Variants in HOOK3 observed in about 807,000 individuals in gnomAD.
HOOK3 encodes the protein protein Hook homolog 3.
HOOK3 carries 24 observed loss-of-function variants against 116.3 expected under a neutral mutation model. That is an observed-to-expected ratio of 0.21 (90% CI 0.15 to 0.29). The LOEUF is 0.29. HOOK3 is among the 10% of genes least tolerant of loss of function. HOOK3 has a pLI of 1.00. For synonymous variants in HOOK3, 275 were observed against 283.0 expected, an observed-to-expected ratio of 0.97 and a Z score of 0.28; for missense variants, 632 against 830.2, an observed-to-expected ratio of 0.76 and a Z score of 2.93.
At chr8:43,006,693 A>G (rs1809498240) in intron 17 of HOOK3, among the ~76,000 whole-genome samples, 1 of 152,184 alleles carries the variant, frequency 6.6e-6, no homozygotes. Flanking sequence ...GTTATATTGT[A>G]TATGTTCTTT....
chr8:42,943,503 T>G, intron 5 of HOOK3, 58 bp downstream of exon 5: 3 of 1,130,454 alleles, frequency 2.7e-6, no homozygotes, highest in Non-Finnish European at 3.5e-6. Context: ...TAGTGTATAT[T>G]TTATATTTTA....
chr8:42,935,890 A>G (rs1431561319), intron 4 of HOOK3, among the ~76,000 whole-genome samples: 3 of 152,160 alleles, frequency 2.0e-5, no homozygotes, highest in Non-Finnish European at 4.4e-5. Context: ...TTTTGGTTCC[A>G]TATGAAATTT....
chr8:42,994,930 A>G (rs947014771), intron 15 of HOOK3, among the ~76,000 whole-genome samples: 1 of 152,244 alleles, frequency 6.6e-6, no homozygotes, highest in Non-Finnish European at 1.5e-5. Context: ...CTCAAAAATG[A>G]CTAAGATGGA....
chr8:42,966,455 A>G lies in HOOK3; in HGVS notation c.780-18A>G, dbSNP rs147075537. The G allele has an allele frequency of 1.7e-5, 28 of 1,613,332 alleles. No individual in the cohort carries two copies. In the African/African-American group the frequency reaches 1.9e-4, roughly 11 times the overall value. ...GCAGTAAATAGTGCTTTCTTGGTCT[A>G]TTTTATATCGGTTACAGACTAGAAG... On this transcript the variant is annotated intron_variant, in intron 9 of 21. Transcript: ENST00000307602.
intron 2 of HOOK3, among the ~76,000 whole-genome samples, chr8:42,913,217 C>G (rs1296728934): frequency 6.6e-6 from 1 of 152,134 alleles, no homozygotes; most frequent in African/African-American, 2.4e-5. Context: ...GCTATCCCCA[C>G]AATCAAGGCA....
chr8:42,908,779 A>G (rs1329657177), intron 2 of HOOK3, among the ~76,000 whole-genome samples: 1 of 152,216 alleles, frequency 6.6e-6, no homozygotes, highest in Non-Finnish European at 1.5e-5. Flanking sequence ...TTTGACCCCA[A>G]AACAGGCAAC....
intron 8 of HOOK3, among the ~76,000 whole-genome samples, chr8:42,963,056 C>A (rs1477297943): frequency 6.6e-6 from 1 of 151,958 alleles, no homozygotes. Context: ...CCCACCTCGG[C>A]CTCCCAAAGT....
chr8:42,950,254 ATG>A (rs1326870898), intron 5 of HOOK3, 132 bp from the exon 6 acceptor site: 5 of 599,346 alleles, frequency 8.3e-6, no homozygotes, highest in Non-Finnish European at 1.5e-5. Context: ...AATACATTTA[ATG>A]GTGTATGTGG....
chr8:42,913,592 T>C (rs114927858), intron 2 of HOOK3, among the ~76,000 whole-genome samples: 433 of 152,368 alleles, frequency 2.8e-3, no homozygotes, highest in African/African-American at 0.01. Context: ...TACAATTCTT[T>C]GTATGAACAT....
chr8:42,930,689 A>G (rs1807855947), intron 4 of HOOK3, among the ~76,000 whole-genome samples: 1 of 152,186 alleles, frequency 6.6e-6, no homozygotes, highest in Admixed American at 6.5e-5. Context: ...TTTTCCTACA[A>G]GCTTACCTGC....
chr8:43,003,409 A>C (rs552868775), intron 17 of HOOK3, among the ~76,000 whole-genome samples: 1 of 152,342 alleles, frequency 6.6e-6, no homozygotes, highest in East Asian at 1.9e-4. Flanking sequence ...GATTACCTGC[A>C]ATGAGAGTTT....
At position 43,020,384 on chromosome 8, in the gene HOOK3, G is replaced by C. The variant is rs1427474526; in HGVS notation, c.*1886G>C. On this transcript the variant is annotated 3_prime_UTR_variant, in exon 22 of 22. Coordinates refer to ENST00000307602, the MANE Select transcript of HOOK3 (RefSeq NM_032410.4). Reference sequence around the variant, plus strand: ...TTTCAGACGGTTCTTACCTCTACCCGTGTTTCACAAATAGCCTGAGGATCC... The same window carrying C: ...TTTCAGACGGTTCTTACCTCTACCCCTGTTTCACAAATAGCCTGAGGATCC... The C allele has an allele frequency of 5.2e-6, 1 of 192,344 alleles. No homozygotes were observed. Among genetic ancestry groups the C allele is most frequent in the Non-Finnish European group, 1.1e-5 (1 of 92,096 alleles). The allele number at this position is 192,344 out of a possible 1,614,324, so 11.9% of individuals were successfully genotyped here.
chr8:42,978,841 G>A (rs1343226380), intron 13 of HOOK3, among the ~76,000 whole-genome samples: 2 of 152,106 alleles, frequency 1.3e-5, no homozygotes, highest in East Asian at 1.9e-4. Flanking sequence ...GTGCTACCGC[G>A]CCCAGCCAGA....
At chr8:42,980,353 A>G (rs1041084102) in intron 13 of HOOK3, among the ~76,000 whole-genome samples, 3 of 152,082 alleles carry the variant, frequency 2.0e-5, no homozygotes, top group Non-Finnish European at 4.4e-5. Context: ...CTTTCACGTA[A>G]ACTATCACAT....
At position 42,897,109 on chromosome 8, in the gene HOOK3, G is replaced by A; in HGVS notation, c.-23G>A. 8.1e-7 allele frequency: 1 copy of A among 1,241,444 alleles called. No homozygotes were observed. 76.9% of individuals were successfully genotyped at this position (1,241,444 alleles called of 1,614,324 possible). A position where few individuals can be genotyped will look rare whatever the true frequency, so the allele number is the denominator to read the frequency against. On this transcript the variant is annotated 5_prime_UTR_variant, in exon 1 of 22. Transcript: ENST00000307602. ...GGCGGTGTCTGGCCAGGCGGTAGGC[G>A]CTGCCTGGCCGCGGCGGGGAAGATG...
intron 14 of HOOK3, among the ~76,000 whole-genome samples, chr8:42,983,189 C>A (rs1808985558): frequency 6.6e-6 from 1 of 151,926 alleles, no homozygotes; most frequent in Admixed American, 6.6e-5. Flanking sequence ...AAAAAATTAG[C>A]CATGTGTGGT....
chr8:43,022,429 G>A lies in HOOK3; in HGVS notation c.*3931G>A, dbSNP rs1453064657. Reference sequence around the variant, plus strand: ...GAGCAAGTACAGGGTTGCTGTGTTGGGTTGGAGCACACTGTCACCACAGTG... The same window carrying A: ...GAGCAAGTACAGGGTTGCTGTGTTGAGTTGGAGCACACTGTCACCACAGTG... On this transcript the variant is annotated 3_prime_UTR_variant, in exon 22 of 22. Coordinates refer to ENST00000307602, the MANE Select transcript of HOOK3 (RefSeq NM_032410.4). 4.9e-6 allele frequency: 1 copy of A among 202,356 alleles called. No homozygotes were observed. The highest frequency in any genetic ancestry group is 2.3e-5 in the African/African-American group (1 of 43,550). The allele number at this position is 202,356 out of a possible 1,614,324, so 12.5% of individuals were successfully genotyped here.
chr8:43,006,483 C>G (rs1286705856), intron 17 of HOOK3, among the ~76,000 whole-genome samples: 1 of 151,820 alleles, frequency 6.6e-6, no homozygotes, highest in Non-Finnish European at 1.5e-5. Context: ...CCACCATGCC[C>G]GGCTAATTTT....
chr8:43,022,571 A>T lies in HOOK3; in HGVS notation c.*4073A>T, dbSNP rs1395003143. On this transcript the variant is annotated 3_prime_UTR_variant, in exon 22 of 22. Transcript: ENST00000307602. ...CTAGCATTTATGTTCCACAGTGTGT[A>T]TTTCAGAAGTTTGTAATCCAGAAAA... The T allele has an allele frequency of 5.3e-6, 1 of 187,554 alleles. No homozygotes were observed. Among genetic ancestry groups the T allele is most frequent in the Non-Finnish European group, 1.1e-5 (1 of 89,034 alleles). 11.6% of individuals were successfully genotyped at this position (187,554 alleles called of 1,614,324 possible). A position where few individuals can be genotyped will look rare whatever the true frequency, so the allele number is the denominator to read the frequency against.
Sources: allele counts gnomAD v4.1 joint callset (sites outside exome capture counted in the v4.1 genomes callset), GRCh38; gene constraint gnomAD v4.1.1; transcripts MANE v1.5; gene names NCBI Gene and HGNC (gene_info 2026-07-23, HGNC 2026-07-21).